The following ADAM2 variants were observed in gnomAD, a reference collection of about 807,000 sequenced individuals.
ADAM2 encodes the protein ADAM metallopeptidase domain 2.
Under a neutral mutation model 99.3 loss-of-function variants are expected in ADAM2, and 101 were observed. The ratio of observed to expected loss-of-function variants is 1.02; its 90% confidence interval spans 0.87 to 1.20. The LOEUF is 1.20. Among genes scored for constraint, ADAM2 ranks in the 50% most tolerant of loss-of-function variants. The pLI is 0.00. For synonymous variants in ADAM2, 323 were observed against 287.6 expected (o/e 1.12, Z -1.25); for missense variants, 948 against 878.7 (o/e 1.08, Z -1.00).
intron 6 of ADAM2, among the ~76,000 whole-genome samples, chr8:39,810,796 G>A (rs1473643129): frequency 6.6e-6 from 1 of 152,128 alleles, no homozygotes; most frequent in Non-Finnish European, 1.5e-5. Flanking sequence ...TGTGTAGAGG[G>A]AAATTTATAG....
rs117625890 is a variant in ADAM2, at chr8:39,821,752, T to C, written c.268-90A>G. The stretch of plus-strand genomic sequence containing the variant: ...TGTAAAACATATATGTGTTTTGTTT[T>C]TATGCATCAAACACTCATGTTTCAA... On this transcript the variant is annotated intron_variant, in intron 4 of 20. Transcript: ENST00000265708. 5,256 of 889,818 alleles carry C rather than the reference T, an allele frequency of 5.9e-3. 99 individuals carry two copies. The highest frequency in any genetic ancestry group is 0.04 in the South Asian group (2,468 of 61,452). The allele number at this position is 889,818 out of a possible 1,614,324, so 55.1% of individuals were successfully genotyped here.
chr8:39,786,306 A>G (rs1803465743), intron 10 of ADAM2, among the ~76,000 whole-genome samples: 1 of 152,046 alleles, frequency 6.6e-6, no homozygotes, highest in Admixed American at 6.6e-5. Context: ...TAAAAGTTGA[A>G]ATTATTTTTA....
chr8:39,809,321 T>C (rs1804591713), intron 7 of ADAM2, 89 bp downstream of exon 7: 5 of 663,860 alleles, frequency 7.5e-6, no homozygotes, highest in South Asian at 3.7e-5. Context: ...AAATTATCAA[T>C]TCTTTTCTGT....
intron 10 of ADAM2, among the ~76,000 whole-genome samples, chr8:39,786,573 C>A (rs547579987): frequency 6.6e-6 from 1 of 152,026 alleles, no homozygotes; most frequent in Non-Finnish European, 1.5e-5. Flanking sequence ...CCCTATGAAG[C>A]ATTTTAAGGC....
At chr8:39,831,388 C>G (rs1805610804) in intron 3 of ADAM2, among the ~76,000 whole-genome samples, 1 of 152,082 alleles carries the variant, frequency 6.6e-6, no homozygotes, top group African/African-American at 2.4e-5. Context: ...CATAAAACCA[C>G]CCCTGAAGAG....
At position 39,838,079 on chromosome 8, in the gene ADAM2, G is replaced by A. The variant is rs369474109; in HGVS notation, c.55+52C>T. On this transcript the variant is annotated intron_variant, in intron 1 of 20. Transcript: ENST00000265708. ...TGTCAATGTAACTTGGAGGCAAAGG[G>A]AGAGTAGCGCTGAGGGTCCCAAAAG... is the stretch of plus-strand genomic sequence containing the variant. 1.1e-5 allele frequency: 18 copies of A among 1,586,898 alleles called. No individual in the cohort carries two copies. The African/African-American group carries it at 1.9e-4, about 17-fold the overall frequency.
At chr8:39,754,598 T>C (rs901853713) in intron 16 of ADAM2, among the ~76,000 whole-genome samples, 1 of 152,270 alleles carries the variant, frequency 6.6e-6, no homozygotes, top group Admixed American at 6.5e-5. Context: ...ACTTACATTT[T>C]GTGTGAGAAT....
chr8:39,746,679 A>C, intron 18 of ADAM2, 48 bp from the exon 19 acceptor site: 1 of 1,415,642 alleles, frequency 7.1e-7, no homozygotes, highest in Non-Finnish European at 9.6e-7. Flanking sequence ...CCAGAAATAT[A>C]GTAAAGATAT....
intron 14 of ADAM2, among the ~76,000 whole-genome samples, chr8:39,762,041 G>A (rs1393158983): frequency 6.6e-6 from 1 of 152,188 alleles, no homozygotes; most frequent in Non-Finnish European, 1.5e-5. Context: ...CCGAGATCGC[G>A]CCATTGCACT....
chr8:39,767,343 C>A, intron 12 of ADAM2, 92 bp from the exon 13 acceptor site: 4 of 1,055,418 alleles, frequency 3.8e-6, no homozygotes, highest in Non-Finnish European at 4.2e-6. Flanking sequence ...ATATAACATA[C>A]ACATAGGTGC....
chr8:39,794,963 T>A (rs1299132255), intron 7 of ADAM2, among the ~76,000 whole-genome samples: 2 of 152,134 alleles, frequency 1.3e-5, no homozygotes, highest in Non-Finnish European at 1.5e-5. Flanking sequence ...AATTTCATGT[T>A]ATCTCTATAT....
At position 39,772,078 on chromosome 8, in the gene ADAM2, TA is replaced by T. The variant is rs1306508395; in HGVS notation, c.1029-2504del. On this transcript the variant is annotated intron_variant, in intron 11 of 20. Coordinates refer to ENST00000265708, the MANE Select transcript of ADAM2 (RefSeq NM_001464.5). The stretch of plus-strand genomic sequence containing the variant: ...TGTACCCTAGAACTTAAAAGTATAA[TA>T]AAAAAAAAGAAAGAGGGGAGAGAGA... 4.1e-3 allele frequency among the ~76,000 whole-genome samples: 196 copies of T among 47,292 alleles called. 3 individuals carry two copies. Among genetic ancestry groups the T allele is most frequent in the Non-Finnish European group, 9.5e-4 (19 of 20,094 alleles). 31.0% of individuals were successfully genotyped at this position (47,292 alleles called of 152,430 possible).
intron 6 of ADAM2, among the ~76,000 whole-genome samples, chr8:39,811,772 G>A (rs1245791042): frequency 9.9e-5 from 15 of 152,086 alleles, no homozygotes; most frequent in African/African-American, 2.2e-4. Flanking sequence ...TTGATGGGAC[G>A]TATCTCAAAA....
intron 7 of ADAM2, among the ~76,000 whole-genome samples, chr8:39,802,898 CTT>C (rs1316486647): frequency 6.6e-6 from 1 of 152,156 alleles, no homozygotes; most frequent in Non-Finnish European, 1.5e-5. Context: ...CTCATGGTGA[CTT>C]TGAGTCAAAA....
intron 7 of ADAM2, among the ~76,000 whole-genome samples, chr8:39,798,042 C>T: frequency 6.6e-6 from 1 of 152,236 alleles, no homozygotes; most frequent in East Asian, 1.9e-4. Context: ...CTTTCTCTTG[C>T]CTGATGGCCC....
At chr8:39,746,772 A>G (rs1586037645) in intron 18 of ADAM2, 141 bp from the exon 19 acceptor site, 1 of 685,436 alleles carries the variant, frequency 1.5e-6, no homozygotes, top group South Asian at 2.4e-5. Context: ...TATGAAATAG[A>G]TAACTTGAAA....
rs778890538 is a variant in ADAM2, at chr8:39,821,074, T to C, written c.441A>G (p.Lys147=). 1.2e-6 allele frequency: 2 copies of C among 1,606,316 alleles called. No individual in the cohort carries two copies. Among genetic ancestry groups the C allele is most frequent in the South Asian group, 1.1e-5 (1 of 90,794 alleles). Residue 147 remains lysine, a synonymous_variant, in exon 6 of 21, where the codon AAA becomes AAG. Coordinates refer to ENST00000265708, the MANE Select transcript of ADAM2 (RefSeq NM_001464.5). ...EHVIYQVKHK[K]ADVSLYNEKD... ...TCTCATTATATAAGGAAACATCTGC[T>C]TTCTTATGTTTTACTTGGTAAATTA...
chr8:39,821,242 A>G (rs1295806436), intron 5 of ADAM2, 72 bp from the exon 6 acceptor site: 1 of 1,061,988 alleles, frequency 9.4e-7, no homozygotes, highest in Non-Finnish European at 1.3e-6. Context: ...GCCACTTAGC[A>G]TTATTTTTTC....
At chr8:39,820,891 A>G (rs1348643971) in intron 6 of ADAM2, 111 bp downstream of exon 6, 13 of 602,104 alleles carry the variant, frequency 2.2e-5, no homozygotes, top group Non-Finnish European at 3.4e-5. Flanking sequence ...ACATGTGGCT[A>G]TATGTTTTGG....
Sources: allele counts gnomAD v4.1 joint callset (sites outside exome capture counted in the v4.1 genomes callset), GRCh38; gene constraint gnomAD v4.1.1; transcripts MANE v1.5; gene names NCBI Gene and HGNC (gene_info 2026-07-23, HGNC 2026-07-21).